TBC1D16: variants seen among roughly 807,000 people sequenced by gnomAD.
TBC1D16 encodes CTD-2529O21.1.
In TBC1D16, 58 loss-of-function variants were observed where a neutral mutation model predicts 74.7. That is an observed-to-expected ratio of 0.78 (90% CI 0.63 to 0.97). TBC1D16 has a LOEUF of 0.97. Ranked by LOEUF, TBC1D16 falls within the 50% of genes least tolerant of loss-of-function variation. TBC1D16 has a pLI of 0.00. For missense variants in TBC1D16, 1,014 were observed against 1,079.5 expected (o/e 0.94, Z 0.85); for synonymous variants, 493 against 474.7 (o/e 1.04, Z -0.50).
Position 79,986,023 on chromosome 17 carries a change from A to G in TBC1D16, c.779+24137T>C, listed in dbSNP as rs2034822202. Among the ~76,000 whole-genome samples the G allele has an allele frequency of 6.6e-6, 1 of 152,276 alleles. No homozygotes were observed. The highest frequency in any genetic ancestry group is 6.5e-5 in the Admixed American group (1 of 15,290). ...TAAGGGGCGCGGCCCTCCGCTCTTC[A>G]GAACGGCTGGTGTCTGCTTTGAAAG... On this transcript the variant is annotated intron_variant, in intron 3 of 11. Transcript: ENST00000310924. This position sits in a 1 kb window ranked among gnomAD's most constrained non-coding sequence, Gnocchi z 6.0.
chr17:80,010,115 C>T lies in TBC1D16; in HGVS notation c.779+45G>A. On this transcript the variant is annotated intron_variant, in intron 3 of 11. Coordinates refer to ENST00000310924, the MANE Select transcript of TBC1D16 (RefSeq NM_019020.4). The surrounding 1 kb of genome is among the most constrained non-coding windows in gnomAD (Gnocchi z 8.8). ...GTGAGTGCTTCCTGCCCAGGTCAGGCCTTGGGGGCCTCCCGAGAGCCCACG... is the reference window on the plus strand; with the variant it reads ...GTGAGTGCTTCCTGCCCAGGTCAGGTCTTGGGGGCCTCCCGAGAGCCCACG... 1 of 1,518,452 alleles carries T rather than the reference C, an allele frequency of 6.6e-7. No homozygotes were observed. The highest frequency in any genetic ancestry group is 8.9e-7 in the Non-Finnish European group (1 of 1,117,508). 94.1% of individuals were successfully genotyped at this position (1,518,452 alleles called of 1,614,324 possible).
Position 79,938,686 on chromosome 17 carries a change from C to CGACT in TBC1D16, c.*2169_*2172dup, listed in dbSNP as rs1568560295. On this transcript the variant is annotated 3_prime_UTR_variant, in exon 12 of 12. Transcript: ENST00000310924. The stretch of plus-strand genomic sequence containing the variant: ...TCCAAATTCTCAGCCTACTGCCACC[C>CGACT]GACTGTGCAGAGCGGACAATAAAGT... 6.6e-6 allele frequency: 1 copy of CGACT among 152,282 alleles called. No individual in the cohort carries two copies. The highest frequency in any genetic ancestry group is 2.4e-5 in the African/African-American group (1 of 41,452). 9.4% of individuals were successfully genotyped at this position (152,282 alleles called of 1,614,324 possible).
intron 3 of TBC1D16, among the ~76,000 whole-genome samples, chr17:79,964,260 G>A (rs2033747791): frequency 6.6e-6 from 1 of 152,160 alleles, no homozygotes. Flanking sequence ...ACAGGCGTGA[G>A]CCACCATATC....
In TBC1D16 at chr17:79,940,829, T is replaced by C. The variant is rs1401033818; in HGVS notation, c.*30A>G. ...GCCCAGGGCCTCTGAGGAGGTCCCC[T>C]CAACCCCTGTCCGGTGTCGGGGGCC... is the stretch of plus-strand genomic sequence containing the variant. On this transcript the variant is annotated 3_prime_UTR_variant, in exon 12 of 12. Transcript: ENST00000310924. This position sits in a 1 kb window ranked among gnomAD's most constrained non-coding sequence, Gnocchi z 5.4. 25 of 1,504,138 alleles carry C rather than the reference T, an allele frequency of 1.7e-5. No individual in the cohort carries two copies. The highest frequency in any genetic ancestry group is 2.8e-5 in the African/African-American group (2 of 72,332). 93.2% of individuals were successfully genotyped at this position (1,504,138 alleles called of 1,614,324 possible).
rs184833299 is a variant in TBC1D16 at position 80,035,395 on chromosome 17, G to A, written c.-63+400C>T. ...GGGACGCACACTTTGGAGGCTGTGT[G>A]GGCGCGCGCCGGCACCCCACAAGTT... On this transcript the variant is annotated intron_variant, in intron 1 of 11. Transcript: ENST00000310924. This position sits in a 1 kb window ranked among gnomAD's most constrained non-coding sequence, Gnocchi z 5.3. Among the ~76,000 whole-genome samples the A allele has an allele frequency of 6.6e-6, 1 of 152,148 alleles. No individual in the cohort carries two copies. Among genetic ancestry groups the A allele is most frequent in the Non-Finnish European group, 1.5e-5 (1 of 67,974 alleles).
At position 80,008,969 on chromosome 17, in the gene TBC1D16, C is replaced by T. The variant is rs918350629; in HGVS notation, c.779+1191G>A. On this transcript the variant is annotated intron_variant, in intron 3 of 11. Transcript: ENST00000310924. The surrounding 1 kb of genome is among the most constrained non-coding windows in gnomAD (Gnocchi z 4.5). Reference sequence around the variant, plus strand: ...CCTGGGGCAGACCCAGCTGGGTTCACATCCCAGCTTGGCCCGGGCACTGGC... The same window carrying T: ...CCTGGGGCAGACCCAGCTGGGTTCATATCCCAGCTTGGCCCGGGCACTGGC... Among the ~76,000 whole-genome samples, 3 of 152,208 alleles carry T rather than the reference C, an allele frequency of 2.0e-5. No homozygotes were observed. The highest frequency in any genetic ancestry group is 7.2e-5 in the African/African-American group (3 of 41,462).
chr17:80,013,737 T>C (rs1206240786), intron 1 of TBC1D16, 128 bp from the exon 2 acceptor site: 3 of 589,364 alleles, frequency 5.1e-6, no homozygotes, highest in Non-Finnish European at 8.7e-6. Context: ...GGTGAACAGC[T>C]CTGTACAGGG....
At chr17:80,016,502 C>T (rs926085900) in intron 1 of TBC1D16, among the ~76,000 whole-genome samples, 12 of 150,436 alleles carry the variant, frequency 8.0e-5, no homozygotes, top group African/African-American at 2.9e-4. Context: ...GTTCTTTGAA[C>T]TTTCTGCATT....
intron 1 of TBC1D16, among the ~76,000 whole-genome samples, chr17:80,033,986 G>C (rs2036858357): frequency 6.6e-6 from 1 of 152,170 alleles, no homozygotes; most frequent in South Asian, 2.1e-4. Flanking sequence ...CTGGGCCTAA[G>C]GCCTAATTCT....
chr17:79,982,123 G>T (rs1237283534), intron 3 of TBC1D16, among the ~76,000 whole-genome samples: 1 of 151,082 alleles, frequency 6.6e-6, no homozygotes. Context: ...TGTTTCCATT[G>T]TCGTTTTTCT....
chr17:79,975,002 G>C lies in TBC1D16; in HGVS notation c.780-22184C>G, dbSNP rs1363737393. On this transcript the variant is annotated intron_variant, in intron 3 of 11. Transcript: ENST00000310924. The surrounding 1 kb of genome is among the most constrained non-coding windows in gnomAD (Gnocchi z 4.5). ...GGTTGGGGCCACCCCCGCAGCCACT[G>C]CGCCCTCTATAGGTAAGAAGGCCCA... 6.6e-6 allele frequency among the ~76,000 whole-genome samples: 1 copy of C among 152,148 alleles called. No individual in the cohort carries two copies. Among genetic ancestry groups the C allele is most frequent in the Non-Finnish European group, 1.5e-5 (1 of 68,022 alleles).
chr17:79,986,006 G>A lies in TBC1D16; in HGVS notation c.779+24154C>T, dbSNP rs1372899711. On this transcript the variant is annotated intron_variant, in intron 3 of 11. Coordinates refer to ENST00000310924, the MANE Select transcript of TBC1D16 (RefSeq NM_019020.4). The surrounding 1 kb of genome is among the most constrained non-coding windows in gnomAD (Gnocchi z 6.0). ...TCTTCTGCCAGGCGGCATAAGGGGC[G>A]CGGCCCTCCGCTCTTCAGAACGGCT... 6.6e-6 allele frequency among the ~76,000 whole-genome samples: 1 copy of A among 152,252 alleles called. No individual in the cohort carries two copies. The highest frequency in any genetic ancestry group is 1.5e-5 in the Non-Finnish European group (1 of 68,046).
In TBC1D16 at chr17:80,010,342, C is replaced by T. The variant is rs35922784; in HGVS notation, c.597G>A (p.Gly199=). Residue 199 remains glycine (G), a synonymous_variant, in exon 3 of 12, where the codon GGG becomes GGA. Coordinates refer to ENST00000310924, the MANE Select transcript of TBC1D16 (RefSeq NM_019020.4). This position sits in a 1 kb window ranked among gnomAD's most constrained non-coding sequence, Gnocchi z 8.8. ...TVSPQDVTEE[G]REPRPEAGEE... The stretch of plus-strand genomic sequence containing the variant: ...CCCCGGCCTCGGGCCGCGGCTCCCG[C>T]CCCTCCTCGGTGACATCCTGCGGAC... 445,249 of 1,610,390 alleles carry T rather than the reference C, an allele frequency of 0.28. 62,769 individuals carry two copies. Among genetic ancestry groups the T allele is most frequent in the Middle Eastern group, 0.34 (2,033 of 6,054 alleles).
chr17:80,026,539 G>C lies in TBC1D16; in HGVS notation c.-63+9256C>G, dbSNP rs189983338. Among the ~76,000 whole-genome samples the C allele has an allele frequency of 3.8e-3, 568 of 150,042 alleles. 67 individuals are homozygous for C. Among genetic ancestry groups the C allele is most frequent in the African/African-American group, 0.014 (549 of 39,420 alleles). On this transcript the variant is annotated intron_variant, in intron 1 of 11. Transcript: ENST00000310924. ...AGAGGTGTGGAGGAGGCGTGGACGA[G>C]GGTGGAGTTGTGTGGACCAATGCCG...
intron 10 of TBC1D16, among the ~76,000 whole-genome samples, chr17:79,942,450 G>T (rs1462084286): frequency 6.6e-6 from 1 of 150,532 alleles, no homozygotes; most frequent in Non-Finnish European, 1.5e-5. Context: ...ATCCAGAGGG[G>T]ACGATGCTGA....
At chr17:79,945,420 G>A (rs377451991) in intron 9 of TBC1D16, among the ~76,000 whole-genome samples, 1 of 152,284 alleles carries the variant, frequency 6.6e-6, no homozygotes, top group South Asian at 2.1e-4. Flanking sequence ...CACACTTGGG[G>A]GCTGTTTCCC....
At chr17:79,958,596 C>T (rs1226137242) in intron 3 of TBC1D16, among the ~76,000 whole-genome samples, 1 of 152,224 alleles carries the variant, frequency 6.6e-6, no homozygotes, top group Non-Finnish European at 1.5e-5. Flanking sequence ...TGACTTTTCA[C>T]TTCCATTCCT....
In TBC1D16 at chr17:79,944,967, G is replaced by T. The variant is rs1167056117; in HGVS notation, c.1849C>A (p.Arg617=). Reference sequence around the variant, plus strand: ...AGCGCTTCGGCCTCGGGGAACTCCCGCTTGAAGCACAGAAGGAGCCAGCGG... The same window carrying T: ...AGCGCTTCGGCCTCGGGGAACTCCCTCTTGAAGCACAGAAGGAGCCAGCGG... ...CHRWLLLCFK[R]EFPEAEALRI... Residue 617 remains arginine, a synonymous_variant, in exon 10 of 12, where the codon CGG becomes AGG. Transcript: ENST00000310924. The surrounding 1 kb of genome is among the most constrained non-coding windows in gnomAD (Gnocchi z 7.7). 5 of 1,559,464 alleles carry T rather than the reference G, an allele frequency of 3.2e-6. No homozygotes were observed. Among genetic ancestry groups the T allele is most frequent in the Non-Finnish European group, 4.3e-6 (5 of 1,151,448 alleles).
At chr17:79,963,468 C>T (rs1453161121) in intron 3 of TBC1D16, among the ~76,000 whole-genome samples, 6 of 151,878 alleles carry the variant, frequency 4.0e-5, no homozygotes, top group South Asian at 4.2e-4. Context: ...ACGGATGGAC[C>T]GCGTTTTGTT....
Sources: allele counts gnomAD v4.1 joint callset (sites outside exome capture counted in the v4.1 genomes callset), GRCh38; gene constraint gnomAD v4.1.1; non-coding constraint Gnocchi (gnomAD v3.1); transcripts MANE v1.5; gene names NCBI Gene and HGNC (gene_info 2026-07-23, HGNC 2026-07-21).